The following MORN1 variants were observed in gnomAD, a reference collection of about 807,000 sequenced individuals.
MORN1 encodes the protein MORN repeat containing 1, also known as MORN repeat-containing protein 1.
Under a neutral mutation model 61.9 loss-of-function variants are expected in MORN1, and 67 were observed. That is an observed-to-expected ratio of 1.08 (90% CI 0.89 to 1.33). MORN1 has a LOEUF of 1.33. Among genes scored for constraint, MORN1 ranks in the 40% most tolerant of loss-of-function variants. The pLI is 0.00. For synonymous variants in MORN1, 301 were observed against 292.0 expected, an observed-to-expected ratio of 1.03 and a Z score of -0.31; for missense variants, 752 against 691.2, an observed-to-expected ratio of 1.09 and a Z score of -0.99.
intron 12 of MORN1, 53 bp from the exon 13 acceptor site, chr1:2,324,196 C>T: frequency 6.5e-7 from 1 of 1,539,124 alleles, no homozygotes; most frequent in Non-Finnish European, 8.8e-7. Flanking sequence ...GCCCCGACGA[C>T]ATGGCATCCC....
intron 13 of MORN1, chr1:2,323,805 C>G (rs776034371): frequency 1.0e-6 from 1 of 985,222 alleles, no homozygotes; most frequent in Admixed American, 6.2e-5. Context: ...CCTCCGAGTC[C>G]CCGTGCTCCC....
Position 2,385,916 on chromosome 1 carries a change from G to C in MORN1, c.359-19C>G. 1.2e-6 allele frequency: 2 copies of C among 1,610,266 alleles called. No homozygotes were observed. Among genetic ancestry groups the C allele is most frequent in the Non-Finnish European group, 1.7e-6 (2 of 1,176,778 alleles). ...CCGTGTCCTGGAGAAGGGACCGAGA[G>C]ACAGACTTGGCTTTGTGCCTCCTCC... On this transcript the variant is annotated intron_variant, in intron 4 of 13. Transcript: ENST00000378531.
intron 6 of MORN1, chr1:2,375,499 A>T (rs1642213664): frequency 6.6e-6 from 1 of 152,548 alleles, no homozygotes; most frequent in Admixed American, 6.5e-5. Context: ...CTGCAGGGAG[A>T]CAGGGCCTCT....
chr1:2,333,536 A>T (rs1641204537), intron 12 of MORN1, among the ~76,000 whole-genome samples: 1 of 152,138 alleles, frequency 6.6e-6, no homozygotes, highest in Admixed American at 6.5e-5. Flanking sequence ...CTGTAGGGGG[A>T]CCCGAGGGAG....
At chr1:2,388,557 C>T (rs2100379385) in intron 2 of MORN1, 1 of 505,758 alleles carries the variant, frequency 2.0e-6, no homozygotes, top group Admixed American at 3.5e-5. Flanking sequence ...CCAGAACAAG[C>T]ACAGGAATCG....
At chr1:2,342,033 C>T (rs1287753123) in intron 10 of MORN1, among the ~76,000 whole-genome samples, 4 of 152,276 alleles carry the variant, frequency 2.6e-5, no homozygotes, top group Non-Finnish European at 5.9e-5. Context: ...TCCTGGCAGG[C>T]ATGCCCCTCC....
In MORN1 at chr1:2,321,336, C is replaced by A; in HGVS notation, c.*47G>T. On this transcript the variant is annotated 3_prime_UTR_variant, in exon 14 of 14. Coordinates refer to ENST00000378531, the MANE Select transcript of MORN1 (RefSeq NM_024848.3). ...AGCAGAGTCACGCAAGCAGAGGCAG[C>A]GTTTCCTTCCATTCACACCGAGGTG... 7.6e-7 allele frequency: 1 copy of A among 1,316,132 alleles called. No homozygotes were observed. Among genetic ancestry groups the A allele is most frequent in the Middle Eastern group, 2.7e-4 (1 of 3,758 alleles). 81.5% of individuals were successfully genotyped at this position (1,316,132 alleles called of 1,614,324 possible).
At chr1:2,369,204 A>G (rs1393608083) in intron 8 of MORN1, among the ~76,000 whole-genome samples, 4 of 151,804 alleles carry the variant, frequency 2.6e-5, no homozygotes, top group Non-Finnish European at 5.9e-5. Context: ...ATACAAAAAA[A>G]TTAGCCGGGC....
chr1:2,335,828 T>TAGCCCGGCCCGGCCCAGCCCAGCCC (rs138508948), intron 12 of MORN1, among the ~76,000 whole-genome samples: 1 of 143,014 alleles, frequency 7.0e-6, no homozygotes, highest in African/African-American at 3.0e-5. Context: ...CTCGCCTCCA[T>TAGCCCGGCCCGGCCCAGCCCAGCCC]AGCCCAGCCC....
chr1:2,323,810 G>A (rs1224419812), intron 13 of MORN1: 5 of 985,126 alleles, frequency 5.1e-6, no homozygotes, highest in Non-Finnish European at 6.0e-6. Context: ...GAGTCCCCGT[G>A]CTCCCTGCCC....
At chr1:2,355,485 G>A in intron 10 of MORN1, 1 of 1,550,200 alleles carries the variant, frequency 6.5e-7, no homozygotes, top group Non-Finnish European at 8.7e-7. Flanking sequence ...AGACCCCCGA[G>A]GCTCTGAGGC....
intron 6 of MORN1, chr1:2,379,169 G>A (rs1367548705): frequency 2.1e-6 from 1 of 470,968 alleles, no homozygotes; most frequent in Non-Finnish European, 4.4e-6. Context: ...AGCTCATGGT[G>A]CCTGGGTAGC....
chr1:2,357,393 G>C lies in MORN1; in HGVS notation c.1036+39C>G, dbSNP rs774131541. 6.4e-7 allele frequency: 1 copy of C among 1,550,442 alleles called. No individual in the cohort carries two copies. The highest frequency in any genetic ancestry group is 1.9e-5 in the Admixed American group (1 of 51,846). ...ACCCCCACCTTGACTGCTGGGCCTG[G>C]GCCCACCCACCCCCAACTGGTTTGT... On this transcript the variant is annotated intron_variant, in intron 10 of 13. Coordinates refer to ENST00000378531, the MANE Select transcript of MORN1 (RefSeq NM_024848.3). This position sits in a 1 kb window ranked among gnomAD's most constrained non-coding sequence, Gnocchi z 6.3.
intron 13 of MORN1, chr1:2,322,199 G>A (rs911585794): frequency 4.1e-6 from 4 of 985,318 alleles, no homozygotes; most frequent in Non-Finnish European, 4.8e-6. Context: ...GAGCTTCAAA[G>A]TTGGAGAAAC....
chr1:2,378,495 A>C (rs1217573795), intron 6 of MORN1: 3 of 175,354 alleles, frequency 1.7e-5, no homozygotes, highest in East Asian at 1.6e-4. Flanking sequence ...TGAGGAGAGG[A>C]GGCTCGGGGA....
chr1:2,380,341 C>T (rs780921618), intron 6 of MORN1, among the ~76,000 whole-genome samples: 4 of 152,306 alleles, frequency 2.6e-5, no homozygotes, highest in Non-Finnish European at 4.4e-5. Flanking sequence ...CGCCACTGCA[C>T]GCTTAAAAGT....
chr1:2,342,900 T>C (rs1333284523), intron 10 of MORN1, among the ~76,000 whole-genome samples: 1 of 149,106 alleles, frequency 6.7e-6, no homozygotes, highest in Non-Finnish European at 1.5e-5. Flanking sequence ...TATTTTATTT[T>C]ATTTTATTTT....
At chr1:2,339,934 G>A (rs374787632) in intron 10 of MORN1, among the ~76,000 whole-genome samples, 40 of 152,368 alleles carry the variant, frequency 2.6e-4, no homozygotes, top group Non-Finnish European at 4.9e-4. Flanking sequence ...TCCCTCGGCC[G>A]CTCCTGCTCA....
At chr1:2,367,968 T>C (rs1642032651) in intron 8 of MORN1, among the ~76,000 whole-genome samples, 1 of 151,952 alleles carries the variant, frequency 6.6e-6, no homozygotes, top group Non-Finnish European at 1.5e-5. Flanking sequence ...CAGGAGTAAA[T>C]CTCCATGACT....
Sources: allele counts gnomAD v4.1 joint callset (sites outside exome capture counted in the v4.1 genomes callset), GRCh38; gene constraint gnomAD v4.1.1; non-coding constraint Gnocchi (gnomAD v3.1); transcripts MANE v1.5; gene names NCBI Gene and HGNC (gene_info 2026-07-23, HGNC 2026-07-21).